LAMA2: variants seen among roughly 807,000 people sequenced by gnomAD.
LAMA2 encodes laminin subunit alpha 2.
In LAMA2, 269 loss-of-function variants were observed where a neutral mutation model predicts 364.8. The ratio of observed to expected loss-of-function variants is 0.74; its 90% CI spans 0.67 to 0.82. The LOEUF is 0.82. Ranked by LOEUF, LAMA2 falls within the 40% of genes least tolerant of loss-of-function variation. LAMA2 has a pLI of 0.00. For synonymous variants in LAMA2, 1,379 were observed against 1,370.6 expected, an observed-to-expected ratio of 1.01 and a Z score of -0.14; for missense variants, 3,807 against 3,873.2, an observed-to-expected ratio of 0.98 and a Z score of 0.45.
intron 1 of LAMA2, among the ~76,000 whole-genome samples, chr6:128,970,709 AG>A (rs1473054122): frequency 1.4e-4 from 21 of 152,208 alleles, no homozygotes; most frequent in African/African-American, 4.6e-4. Flanking sequence ...CTTGTCAGGA[AG>A]CTTTTTCTTA....
chr6:129,069,994 C>T (rs530641853), intron 3 of LAMA2, among the ~76,000 whole-genome samples: 60 of 151,732 alleles, frequency 4.0e-4, no homozygotes, highest in South Asian at 2.5e-3. Flanking sequence ...CCAATATTAC[C>T]CATATCTCTA....
rs111316309 is a variant in LAMA2 at position 129,504,653 on chromosome 6, C to G, written c.8548-547C>G. On this transcript the variant is annotated intron_variant, in intron 60 of 64. Transcript: ENST00000421865. ...CCGCCCTAAATTTCAGCCTCAGTCACTTCTCTATCTTACTCCCCCACTTTG... is the reference window on the plus strand; with the variant it reads ...CCGCCCTAAATTTCAGCCTCAGTCAGTTCTCTATCTTACTCCCCCACTTTG... Among the ~76,000 whole-genome samples, 1,263 of 152,312 alleles carry G rather than the reference C, an allele frequency of 8.3e-3. 11 individuals carry two copies. The highest frequency in any genetic ancestry group is 0.014 in the Non-Finnish European group (943 of 68,022).
At chr6:129,009,085 AG>A (rs1246183287) in intron 1 of LAMA2, among the ~76,000 whole-genome samples, 1 of 152,210 alleles carries the variant, frequency 6.6e-6, no homozygotes, top group Non-Finnish European at 1.5e-5. Flanking sequence ...ATTTTGAGAT[AG>A]GGATCATGCC....
intron 1 of LAMA2, among the ~76,000 whole-genome samples, chr6:128,901,354 T>G (rs1005067973): frequency 2.0e-5 from 3 of 152,216 alleles, no homozygotes; most frequent in African/African-American, 7.2e-5. Context: ...AGAACCAAAA[T>G]GCATGTCTGG....
At chr6:129,080,661 T>A (rs964976455) in intron 3 of LAMA2, among the ~76,000 whole-genome samples, 1 of 152,130 alleles carries the variant, frequency 6.6e-6, no homozygotes, top group Admixed American at 6.5e-5. Flanking sequence ...ATCACTGGCC[T>A]TCAGAGAAAT....
At chr6:129,050,495 A>G (rs12191019) in intron 2 of LAMA2, among the ~76,000 whole-genome samples, 25,525 of 152,104 alleles carry the variant, frequency 0.17, 2,567 homozygotes, top group African/African-American at 0.27. Flanking sequence ...GTAAGTACAA[A>G]GGAAAGAATG....
intron 17 of LAMA2, among the ~76,000 whole-genome samples, chr6:129,276,545 C>T (rs1313012362): frequency 6.6e-6 from 1 of 151,890 alleles, no homozygotes; most frequent in African/African-American, 2.4e-5. Context: ...TTTCAGGACC[C>T]ACAGAAGGAC....
chr6:129,407,471 T>G (rs1308980211), intron 40 of LAMA2, among the ~76,000 whole-genome samples: 1 of 152,238 alleles, frequency 6.6e-6, no homozygotes, highest in Non-Finnish European at 1.5e-5. Flanking sequence ...GTCAATAAAT[T>G]TTATGTCACA....
chr6:129,188,017 G>A lies in LAMA2; in HGVS notation c.1468-2188G>A, dbSNP rs114057632. Among the ~76,000 whole-genome samples the A allele has an allele frequency of 4.2e-3, 636 of 151,908 alleles. 8 individuals carry two copies. The highest frequency in any genetic ancestry group is 0.013 in the African/African-American group (539 of 41,512). On this transcript the variant is annotated intron_variant, in intron 10 of 64. Coordinates refer to ENST00000421865, the MANE Select transcript of LAMA2 (RefSeq NM_000426.4). ...TTTTAAACCATGCTTCAAGGATCAGGTCAAACTCCACTCCTGTCATAAAGC... is the reference window on the plus strand; with the variant it reads ...TTTTAAACCATGCTTCAAGGATCAGATCAAACTCCACTCCTGTCATAAAGC...
intron 1 of LAMA2, among the ~76,000 whole-genome samples, chr6:128,936,414 TC>T (rs1276078834): frequency 2.0e-5 from 3 of 152,218 alleles, no homozygotes; most frequent in African/African-American, 4.8e-5. Flanking sequence ...AAATGCTTTT[TC>T]TACATCTGAG....
chr6:129,512,930 C>T (rs769737466), intron 63 of LAMA2, among the ~76,000 whole-genome samples: 1 of 152,074 alleles, frequency 6.6e-6, no homozygotes, highest in East Asian at 1.9e-4. Context: ...AGCCAACTGA[C>T]GCATCAGTTT....
intron 29 of LAMA2, among the ~76,000 whole-genome samples, chr6:129,331,468 C>T (rs1185817328): frequency 6.6e-6 from 1 of 152,034 alleles, no homozygotes; most frequent in African/African-American, 2.4e-5. Context: ...AGGTAACAAG[C>T]TCCCACTACT....
chr6:129,208,457 AACAG>A (rs1270441089), intron 12 of LAMA2, among the ~76,000 whole-genome samples: 3 of 149,510 alleles, frequency 2.0e-5, no homozygotes, highest in African/African-American at 7.3e-5. Context: ...CTCACACATA[AACAG>A]ACAGAAAGAG....
intron 3 of LAMA2, among the ~76,000 whole-genome samples, chr6:129,088,026 G>C (rs944011957): frequency 2.9e-5 from 3 of 103,098 alleles, no homozygotes; most frequent in Admixed American, 1.1e-4. Context: ...GGTTTTCCTA[G>C]GCAGAGGACC....
At chr6:129,301,996 A>T (rs1186141714) in intron 22 of LAMA2, among the ~76,000 whole-genome samples, 1 of 152,132 alleles carries the variant, frequency 6.6e-6, no homozygotes, top group Non-Finnish European at 1.5e-5. Context: ...TTGTTCTAAA[A>T]ATTGCTTAAT....
chr6:129,282,265 C>G (rs999618325), intron 18 of LAMA2, among the ~76,000 whole-genome samples: 3 of 152,302 alleles, frequency 2.0e-5, no homozygotes, highest in Non-Finnish European at 4.4e-5. Flanking sequence ...CTCAGCATTT[C>G]CTAAACTTAT....
chr6:128,894,734 T>C (rs1366105291), intron 1 of LAMA2, among the ~76,000 whole-genome samples: 1 of 152,232 alleles, frequency 6.6e-6, no homozygotes, highest in African/African-American at 2.4e-5. Context: ...GTTGTTTTTT[T>C]CTTCTGGGAG....
At chr6:129,289,435 A>C (rs1034266137) in intron 19 of LAMA2, among the ~76,000 whole-genome samples, 1 of 152,130 alleles carries the variant, frequency 6.6e-6, no homozygotes, top group Non-Finnish European at 1.5e-5. Context: ...GTGAGTTCCC[A>C]AGTCCTGGAG....
intron 15 of LAMA2, among the ~76,000 whole-genome samples, chr6:129,266,810 G>A (rs1256280656): frequency 6.6e-6 from 1 of 151,690 alleles, no homozygotes; most frequent in Non-Finnish European, 1.5e-5. Flanking sequence ...TTTTTTCTTT[G>A]AGACTGTCAC....
Sources: gnomAD v4.1 joint callset for allele counts (sites outside exome capture counted in the v4.1 genomes callset) on GRCh38, gnomAD v4.1.1 for gene constraint, MANE v1.5 for transcripts, NCBI Gene and HGNC (gene_info 2026-07-23, HGNC 2026-07-21) for gene names.